Variants in ADAMTSL1 observed in about 807,000 individuals in gnomAD.
ADAMTSL1 encodes the protein ADAMTS-like protein 1.
A neutral mutation model predicts 201.8 loss-of-function variants in ADAMTSL1; 126 were observed. The observed-to-expected ratio is 0.62, with a 90% CI of 0.54 to 0.72. The LOEUF (loss-of-function observed/expected upper bound fraction) is 0.72. Ranked by LOEUF, ADAMTSL1 falls within the 30% of genes least tolerant of loss-of-function variation. ADAMTSL1 has a pLI of 0.00. For synonymous variants in ADAMTSL1, 1,121 were observed against 903.4 expected, an observed-to-expected ratio of 1.24 and a Z score of -4.32; for missense variants, 2,679 against 2,277.8, an observed-to-expected ratio of 1.18 and a Z score of -3.59.
At chr9:18,763,069 T>A (rs573430716) in intron 16 of ADAMTSL1, among the ~76,000 whole-genome samples, 101 of 152,324 alleles carry the variant, frequency 6.6e-4, no homozygotes, top group African/African-American at 2.3e-3. Flanking sequence ...TTTACTTTTT[T>A]AAGGAAACTC....
chr9:18,029,566 G>T (rs1053150381), intron 1 of ADAMTSL1, among the ~76,000 whole-genome samples: 3 of 152,072 alleles, frequency 2.0e-5, no homozygotes, highest in African/African-American at 7.2e-5. Flanking sequence ...TTAAACTAAA[G>T]AGCTTCTGCA....
intron 20 of ADAMTSL1, chr9:18,796,472 G>C (rs1031074221): frequency 1.3e-5 from 2 of 152,204 alleles, no homozygotes; most frequent in Non-Finnish European, 2.9e-5. Flanking sequence ...TGATTCAGTA[G>C]ATGCTAGAAA....
intron 2 of ADAMTSL1, among the ~76,000 whole-genome samples, chr9:18,166,424 A>C (rs2132105070): frequency 6.6e-6 from 1 of 152,094 alleles, no homozygotes; most frequent in Admixed American, 6.6e-5. Context: ...TATAAATGTG[A>C]ACATCCTTCT....
chr9:18,631,104 A>G (rs1326010398), intron 5 of ADAMTSL1, among the ~76,000 whole-genome samples: 2 of 152,234 alleles, frequency 1.3e-5, no homozygotes, highest in Admixed American at 6.5e-5. Context: ...CTGATTTCAT[A>G]TATGTTAAAG....
At chr9:18,125,087 A>G (rs1825677215) in intron 1 of ADAMTSL1, among the ~76,000 whole-genome samples, 1 of 152,200 alleles carries the variant, frequency 6.6e-6, no homozygotes, top group African/African-American at 2.4e-5. Context: ...CACACTGCTG[A>G]TAAAGACATA....
intron 1 of ADAMTSL1, among the ~76,000 whole-genome samples, chr9:17,959,268 C>T (rs774105164): frequency 6.6e-6 from 1 of 152,044 alleles, no homozygotes; most frequent in Non-Finnish European, 1.5e-5. Flanking sequence ...TGTAATATGA[C>T]TTACTGTTGT....
rs73418892 is a variant in ADAMTSL1 at position 18,053,143 on chromosome 9, G to C, written c.88-110719G>C. Among the ~76,000 whole-genome samples the C allele has an allele frequency of 2.7e-3, 413 of 152,298 alleles. 2 individuals are homozygous for C. The highest frequency in any genetic ancestry group is 9.3e-3 in the African/African-American group (385 of 41,574). Reference sequence around the variant, plus strand: ...TGCTGTGGGAAAATGAGATCTTTGAGCTTGAGAACTTTTTGCCTGAGAATG... The same window carrying C: ...TGCTGTGGGAAAATGAGATCTTTGACCTTGAGAACTTTTTGCCTGAGAATG... On this transcript the variant is annotated intron_variant, in intron 1 of 29. Coordinates refer to the ADAMTSL1 transcript ENST00000680146.
intron 2 of ADAMTSL1, among the ~76,000 whole-genome samples, chr9:18,289,348 C>A (rs997255494): frequency 6.6e-6 from 1 of 152,160 alleles, no homozygotes; most frequent in Non-Finnish European, 1.5e-5. Flanking sequence ...AGTACCCTCA[C>A]AGATACCCAG....
At chr9:18,698,238 C>T (rs1831682725) in intron 13 of ADAMTSL1, among the ~76,000 whole-genome samples, 1 of 152,052 alleles carries the variant, frequency 6.6e-6, no homozygotes, top group African/African-American at 2.4e-5. Flanking sequence ...CATTGATGAA[C>T]ACATTGGAAG....
intron 2 of ADAMTSL1, among the ~76,000 whole-genome samples, chr9:18,465,012 G>T (rs1317768188): frequency 1.3e-5 from 2 of 152,144 alleles, no homozygotes; most frequent in Non-Finnish European, 2.9e-5. Context: ...TCTTGTATTT[G>T]ATCATTATGT....
At chr9:18,684,413 G>A (rs374210359) in intron 12 of ADAMTSL1, among the ~76,000 whole-genome samples, 6 of 152,144 alleles carry the variant, frequency 3.9e-5, no homozygotes, top group East Asian at 1.9e-4. Context: ...AAGATACTTC[G>A]ATGATTCTTT....
chr9:18,368,867 C>T (rs1836906364), intron 2 of ADAMTSL1, among the ~76,000 whole-genome samples: 1 of 152,140 alleles, frequency 6.6e-6, no homozygotes, highest in South Asian at 2.1e-4. Flanking sequence ...TAGGGCACTA[C>T]TATTTTCTCC....
intron 5 of ADAMTSL1, among the ~76,000 whole-genome samples, chr9:18,626,845 TTC>T (rs1237045268): frequency 1.3e-4 from 17 of 128,122 alleles, no homozygotes; most frequent in African/African-American, 5.6e-4. Flanking sequence ...TTCTTTTTCT[TTC>T]TTTCTTTCTT....
At chr9:18,062,366 T>C (rs1336055675) in intron 1 of ADAMTSL1, among the ~76,000 whole-genome samples, 5 of 152,170 alleles carry the variant, frequency 3.3e-5, no homozygotes, top group Admixed American at 3.3e-4. Flanking sequence ...TTGCAGAATA[T>C]CACAGAATGT....
chr9:18,445,665 A>T (rs961162767), intron 2 of ADAMTSL1, among the ~76,000 whole-genome samples: 2 of 152,170 alleles, frequency 1.3e-5, no homozygotes, highest in Admixed American at 1.3e-4. Context: ...CAAAATGCTG[A>T]AAGTATTTGA....
At chr9:18,681,183 C>T (rs1029660959) in intron 11 of ADAMTSL1, 2 of 152,468 alleles carry the variant, frequency 1.3e-5, no homozygotes, top group African/African-American at 4.8e-5. Flanking sequence ...TTCACTGAGC[C>T]CTGTGGCTTC....
chr9:18,061,520 G>C (rs1822454890), intron 1 of ADAMTSL1, among the ~76,000 whole-genome samples: 1 of 152,272 alleles, frequency 6.6e-6, no homozygotes, highest in East Asian at 1.9e-4. Context: ...AAAGAACTCT[G>C]CAGCTATAAA....
At chr9:18,191,285 C>A (rs528307848) in intron 2 of ADAMTSL1, among the ~76,000 whole-genome samples, 1 of 152,240 alleles carries the variant, frequency 6.6e-6, no homozygotes, top group East Asian at 1.9e-4. Context: ...CTAGTAGGAG[C>A]TTCTGTTGAT....
At chr9:18,295,163 T>C (rs1833427777) in intron 2 of ADAMTSL1, among the ~76,000 whole-genome samples, 1 of 152,056 alleles carries the variant, frequency 6.6e-6, no homozygotes, top group South Asian at 2.1e-4. Context: ...GCCACGCAAC[T>C]TTGCAACCCA....
Sources: gnomAD v4.1 joint callset for allele counts (sites outside exome capture counted in the v4.1 genomes callset) on GRCh38, gnomAD v4.1.1 for gene constraint, MANE v1.5 for transcripts, NCBI Gene and HGNC (gene_info 2026-07-23, HGNC 2026-07-21) for gene names.